The following OPCML variants were observed in gnomAD, a reference collection of about 807,000 sequenced individuals.
The protein encoded by OPCML is opioid binding protein/cell adhesion molecule like.
OPCML carries 13 observed loss-of-function variants against 37.8 expected under a neutral mutation model. The observed-to-expected ratio is 0.34, with a 90% CI of 0.22 to 0.55. The LOEUF (loss-of-function observed/expected upper bound fraction) is 0.55. OPCML is among the 20% of genes least tolerant of loss of function. OPCML has a pLI of 0.91. For synonymous variants in OPCML, 176 were observed against 168.8 expected (o/e 1.04, Z -0.33); for missense variants, 341 against 435.6 (o/e 0.78, Z 1.93).
chr11:133,326,966 T>C (rs1230390032), intron 1 of OPCML, among the ~76,000 whole-genome samples: 1 of 119,642 alleles, frequency 8.4e-6, no homozygotes, highest in Admixed American at 8.4e-5. Context: ...TGAGGTGGGG[T>C]ATGTGGTGGT....
chr11:132,540,261 G>A (rs185654233), intron 3 of OPCML, among the ~76,000 whole-genome samples: 159 of 152,218 alleles, frequency 1.0e-3, no homozygotes, highest in Non-Finnish European at 1.7e-3. Flanking sequence ...TGTTTTCTAT[G>A]TCTCTCTCAC....
intron 1 of OPCML, among the ~76,000 whole-genome samples, chr11:133,057,737 C>A (rs1284687187): frequency 2.0e-5 from 3 of 152,158 alleles, no homozygotes; most frequent in Non-Finnish European, 4.4e-5. Flanking sequence ...TGTCATCGTC[C>A]CTTCATTGCA....
chr11:132,708,286 T>A (rs1944117578), intron 2 of OPCML, among the ~76,000 whole-genome samples: 2 of 152,246 alleles, frequency 1.3e-5, no homozygotes, highest in African/African-American at 4.8e-5. Flanking sequence ...ACAGGGCTAA[T>A]GAGTTTGCCT....
intron 3 of OPCML, among the ~76,000 whole-genome samples, chr11:132,539,428 C>T (rs1350306017): frequency 1.3e-5 from 2 of 152,200 alleles, no homozygotes; most frequent in East Asian, 3.8e-4. Context: ...GAGCCCAGAA[C>T]TTACAGATTC....
chr11:132,442,095 T>G (rs1385035124), intron 4 of OPCML, among the ~76,000 whole-genome samples: 1 of 152,238 alleles, frequency 6.6e-6, no homozygotes, highest in African/African-American at 2.4e-5. Flanking sequence ...GACGCTGTGG[T>G]GAGGGAATGG....
chr11:133,511,863 A>T (rs894011351), intron 1 of OPCML, among the ~76,000 whole-genome samples: 1 of 152,160 alleles, frequency 6.6e-6, no homozygotes, highest in Admixed American at 6.5e-5. Context: ...TGCACCCCAA[A>T]GTCCTAGAAC....
chr11:133,127,273 A>G (rs1949531414), intron 1 of OPCML, among the ~76,000 whole-genome samples: 1 of 152,146 alleles, frequency 6.6e-6, no homozygotes, highest in African/African-American at 2.4e-5. Context: ...TATCTGTCAA[A>G]TGATGATAAT....
At position 133,235,757 on chromosome 11, in the gene OPCML, G is replaced by A. The variant is rs149520694; in HGVS notation, c.62-292747C>T. 1.8e-3 allele frequency among the ~76,000 whole-genome samples: 278 copies of A among 152,274 alleles called. 1 individual carries two copies. The highest frequency in any genetic ancestry group is 6.4e-3 in the African/African-American group (268 of 41,558). On this transcript the variant is annotated intron_variant, in intron 1 of 7. Coordinates refer to ENST00000524381, the MANE Select transcript of OPCML (RefSeq NM_001012393.5). ...AGGGATACCTGGATTTTCTGGTCAAGGTCATTCACAGCCATTAACTCAGAG... is the reference window on the plus strand; with the variant it reads ...AGGGATACCTGGATTTTCTGGTCAAAGTCATTCACAGCCATTAACTCAGAG...
In OPCML at chr11:132,652,067, G is replaced by T. The variant is rs527542939; in HGVS notation, c.379+5020C>A. Among the ~76,000 whole-genome samples the T allele has an allele frequency of 2.0e-5, 3 of 152,288 alleles. No homozygotes were observed. The East Asian group carries it at 5.8e-4, about 29-fold the overall frequency. ...ATAGATCTCTGCATTCTTTCAGAGT[G>T]CTGAAGAGCTCATGACAGTTAGAAT... On this transcript the variant is annotated intron_variant, in intron 3 of 7. Transcript: ENST00000524381.
chr11:132,722,309 A>G (rs1339613308), intron 2 of OPCML, among the ~76,000 whole-genome samples: 2 of 151,402 alleles, frequency 1.3e-5, no homozygotes, highest in African/African-American at 2.4e-5. Context: ...CACCACATCC[A>G]TTTTATAAAG....
At chr11:133,340,668 C>T (rs932862498) in intron 1 of OPCML, among the ~76,000 whole-genome samples, 4 of 149,950 alleles carry the variant, frequency 2.7e-5, no homozygotes, top group Admixed American at 2.0e-4. Flanking sequence ...TTACATTTCC[C>T]TCTACCTCTT....
At chr11:132,504,330 C>T (rs1354438659) in intron 4 of OPCML, among the ~76,000 whole-genome samples, 1 of 151,360 alleles carries the variant, frequency 6.6e-6, no homozygotes, top group Admixed American at 6.6e-5. Flanking sequence ...CAGCCATTAA[C>T]AATACAAGCG....
At chr11:133,161,175 C>T (rs1424689780) in intron 1 of OPCML, among the ~76,000 whole-genome samples, 1 of 152,126 alleles carries the variant, frequency 6.6e-6, no homozygotes, top group African/African-American at 2.4e-5. Flanking sequence ...GGCTTTGGGA[C>T]TGAGGGGAAG....
At chr11:132,488,074 ACC>A (rs1364049364) in intron 4 of OPCML, among the ~76,000 whole-genome samples, 1 of 152,132 alleles carries the variant, frequency 6.6e-6, no homozygotes, top group Non-Finnish European at 1.5e-5. Context: ...TGCCTCAGCC[ACC>A]CTGGGCCTCC....
chr11:133,454,359 TGA>T (rs1946634090), intron 1 of OPCML, among the ~76,000 whole-genome samples: 1 of 152,220 alleles, frequency 6.6e-6, no homozygotes, highest in Non-Finnish European at 1.5e-5. Flanking sequence ...CTGCTGTTTG[TGA>T]GACTTCTTTC....
chr11:132,917,854 C>T (rs1007192853), intron 2 of OPCML, among the ~76,000 whole-genome samples: 2 of 152,154 alleles, frequency 1.3e-5, no homozygotes, highest in African/African-American at 4.8e-5. Flanking sequence ...TCATTTCAAA[C>T]TCCTGTACTT....
At chr11:132,451,943 G>A (rs568574863) in intron 4 of OPCML, among the ~76,000 whole-genome samples, 1 of 152,170 alleles carries the variant, frequency 6.6e-6, no homozygotes, top group Non-Finnish European at 1.5e-5. Context: ...GCCCTCACTG[G>A]ATTTCTGTGC....
chr11:133,146,000 A>G (rs531370408), intron 1 of OPCML, among the ~76,000 whole-genome samples: 89 of 152,312 alleles, frequency 5.8e-4, no homozygotes, highest in African/African-American at 2.1e-3. Flanking sequence ...TAGCCCTGTG[A>G]TAATGTCTTA....
rs547246139 is a variant in OPCML at position 132,415,953 on chromosome 11, C to A, written c.*4240G>T. 6.5e-6 allele frequency: 1 copy of A among 152,698 alleles called. No homozygotes were observed. The highest frequency in any genetic ancestry group is 6.5e-5 in the Admixed American group (1 of 15,284). 9.5% of individuals were successfully genotyped at this position (152,698 alleles called of 1,614,324 possible). On this transcript the variant is annotated 3_prime_UTR_variant, in exon 8 of 8. Coordinates refer to ENST00000524381, the MANE Select transcript of OPCML (RefSeq NM_001012393.5). ...TGAAAATGTTGCCTTCCTACTTACA[C>A]ACCTGTGAAGTTTTACTCAAGTGCT...
Sources: gnomAD v4.1 joint callset for allele counts (sites outside exome capture counted in the v4.1 genomes callset) on GRCh38, gnomAD v4.1.1 for gene constraint, MANE v1.5 for transcripts, NCBI Gene and HGNC (gene_info 2026-07-23, HGNC 2026-07-21) for gene names.